The following TNRC6B variants were observed in gnomAD, a reference collection of about 807,000 sequenced individuals.
The protein encoded by TNRC6B is trinucleotide repeat-containing gene 6B protein.
A neutral mutation model predicts 203.6 loss-of-function variants in TNRC6B; 52 were observed. The observed-to-expected ratio is 0.26, with a 90% confidence interval of 0.20 to 0.32. TNRC6B has a LOEUF of 0.32. Among genes scored for constraint, TNRC6B ranks in the 10% least tolerant of loss-of-function variants. The pLI is 1.00. For synonymous variants in TNRC6B, 838 were observed against 845.7 expected, an observed-to-expected ratio of 0.99 and a Z score of 0.16; for missense variants, 1,923 against 2,286.2, an observed-to-expected ratio of 0.84 and a Z score of 3.24.
At chr22:40,303,152 C>T (rs902593017) in intron 15 of TNRC6B, among the ~76,000 whole-genome samples, 5 of 151,206 alleles carry the variant, frequency 3.3e-5, no homozygotes, top group African/African-American at 1.2e-4. Flanking sequence ...GCCTCAGCCT[C>T]CTGAGTAGAT....
At chr22:40,115,018 T>C (rs777746603) in intron 1 of TNRC6B, among the ~76,000 whole-genome samples, 2 of 152,244 alleles carry the variant, frequency 1.3e-5, no homozygotes, top group Non-Finnish European at 2.9e-5. Context: ...GCAGCTGTTC[T>C]GTAAAACCTG....
chr22:40,273,693 C>A, intron 7 of TNRC6B, 93 bp downstream of exon 7: 1 of 1,369,100 alleles, frequency 7.3e-7, no homozygotes, highest in Non-Finnish European at 9.7e-7. Context: ...GAGACAAGTT[C>A]TCCCTCTGTC....
At chr22:40,315,862 A>T in intron 20 of TNRC6B, 80 bp from the exon 21 acceptor site, 1 of 1,049,848 alleles carries the variant, frequency 9.5e-7, no homozygotes, top group Non-Finnish European at 1.4e-6. Flanking sequence ...AATGTGAGCT[A>T]CATGAAAATC....
At chr22:40,103,287 A>G (rs572687726) in intron 1 of TNRC6B, among the ~76,000 whole-genome samples, 1 of 150,824 alleles carries the variant, frequency 6.6e-6, no homozygotes, top group East Asian at 1.9e-4. Flanking sequence ...AAAAAAGTCT[A>G]TACAGTTGTA....
chr22:40,150,999 T>C (rs2068747070), intron 3 of TNRC6B, among the ~76,000 whole-genome samples: 1 of 151,974 alleles, frequency 6.6e-6, no homozygotes, highest in Admixed American at 6.6e-5. Flanking sequence ...CTCTTAAATA[T>C]CAGTGGATAG....
chr22:40,211,607 A>G (rs1428951438), intron 1 of TNRC6B, among the ~76,000 whole-genome samples: 2 of 152,122 alleles, frequency 1.3e-5, no homozygotes, highest in African/African-American at 4.8e-5. Flanking sequence ...TTAGAGGCCT[A>G]AGTTACTAGG....
rs78678967 is a variant in TNRC6B, at chr22:40,316,907, G to C, written c.4974+895G>C. ...GAGAGTGGGTTTCTGCAGATCTTAC[G>C]GGGCAGAGAAAGAGAAAAAAACAAA... is the stretch of plus-strand genomic sequence containing the variant. On this transcript the variant is annotated intron_variant, in intron 21 of 22. Transcript: ENST00000454349. Among the ~76,000 whole-genome samples, 656 of 152,254 alleles carry C rather than the reference G, an allele frequency of 4.3e-3. 6 individuals carry two copies. The highest frequency in any genetic ancestry group is 7.5e-3 in the Non-Finnish European group (509 of 67,996).
At chr22:40,300,209 T>C (rs908049289) in intron 12 of TNRC6B, among the ~76,000 whole-genome samples, 6 of 152,168 alleles carry the variant, frequency 3.9e-5, no homozygotes, top group African/African-American at 1.4e-4. Flanking sequence ...GAATATAAAA[T>C]TTATACTTTT....
Position 40,178,604 on chromosome 22 carries a change from TATTTTTTAAAC to T in TNRC6B, c.5+465_5+475del, listed in dbSNP as rs1158117989. The stretch of plus-strand genomic sequence containing the variant: ...ACGGGAAAGCCTTTTTCTATCTTTT[TATTTTTTAAAC>T]TGGGCCCTCCTTCCTAGAGAGATGT... On this transcript the variant is annotated intron_variant, in intron 1 of 22. Transcript: ENST00000454349. 2.6e-5 allele frequency among the ~76,000 whole-genome samples: 4 copies of T among 152,228 alleles called. No homozygotes were observed. The East Asian group carries it at 7.7e-4, about 29-fold the overall frequency.
chr22:40,125,699 A>T, intron 2 of TNRC6B: 1 of 951,764 alleles, frequency 1.1e-6, no homozygotes, highest in Non-Finnish European at 1.5e-6. Flanking sequence ...AGAGAATTTC[A>T]GTCTAAACCT....
At chr22:40,156,247 G>A in intron 4 of TNRC6B, 2 of 1,467,262 alleles carry the variant, frequency 1.4e-6, no homozygotes, top group Non-Finnish European at 1.9e-6. Flanking sequence ...GGTTCAACAT[G>A]CTGATAAGCG....
chr22:40,071,560 A>G (rs2067948296), intron 1 of TNRC6B, among the ~76,000 whole-genome samples: 1 of 152,232 alleles, frequency 6.6e-6, no homozygotes, highest in South Asian at 2.1e-4. Flanking sequence ...ATGAAACTCC[A>G]AATGGTACAG....
At position 40,264,784 on chromosome 22, in the gene TNRC6B, A is replaced by G. The variant is rs1387997947; in HGVS notation, c.554A>G (p.His185Arg). ...AACGGCACCTCCCCCAACCCAATTCACATCTGGGACAAGGTGATTGTAGAC... is the reference window on the plus strand; with the variant it reads ...AACGGCACCTCCCCCAACCCAATTCGCATCTGGGACAAGGTGATTGTAGAC... The part of the protein sequence containing the change: ...SNNGTSPNPI[H>R]IWDKVIVDGS... The change falls in exon 5 of 23, where the codon CAC becomes CGC. Residue 185 changes from histidine (H) to arginine (R), a missense_variant. Around this residue, in one of 8 missense-constraint regions of TNRC6B, gnomAD observed 614 missense variants for 587.7 expected, o/e 1.04. Transcript: ENST00000454349. 6.2e-7 allele frequency: 1 copy of G among 1,613,926 alleles called. No homozygotes were observed. The highest frequency in any genetic ancestry group is 8.5e-7 in the Non-Finnish European group (1 of 1,179,862).
At chr22:40,209,763 G>A (rs2069535098) in intron 1 of TNRC6B, among the ~76,000 whole-genome samples, 1 of 152,194 alleles carries the variant, frequency 6.6e-6, no homozygotes, top group African/African-American at 2.4e-5. Context: ...GCTCACGCCT[G>A]TAATCCCAGC....
chr22:40,260,549 G>A (rs1234284864), intron 3 of TNRC6B, among the ~76,000 whole-genome samples: 3 of 152,206 alleles, frequency 2.0e-5, no homozygotes, highest in Non-Finnish European at 1.5e-5. Context: ...GGTAGAGAGA[G>A]ATGGATGATG....
At position 40,323,160 on chromosome 22, in the gene TNRC6B, G is replaced by A. The variant is rs1177100861; in HGVS notation, c.5421G>A (p.Thr1807=). ...CTTCTAGCTTATGGGGAGTCCCAACGGTGGAAGATCCCCATAGGATGGGCA... is the reference window on the plus strand; with the variant it reads ...CTTCTAGCTTATGGGGAGTCCCAACAGTGGAAGATCCCCATAGGATGGGCA... The part of the protein sequence containing the change: ...NYSSSLWGVP[T]VEDPHRMGSP... Residue 1807 remains threonine, a synonymous_variant, in exon 23 of 23, where the codon ACG becomes ACA. Coordinates refer to ENST00000454349, the MANE Select transcript of TNRC6B (RefSeq NM_001162501.2). 13 of 1,613,764 alleles carry A rather than the reference G, an allele frequency of 8.1e-6. No homozygotes were observed. The highest frequency in any genetic ancestry group is 1.7e-5 in the Admixed American group (1 of 59,998).
At chr22:40,243,486 TC>T (rs2070060450) in intron 1 of TNRC6B, among the ~76,000 whole-genome samples, 1 of 152,230 alleles carries the variant, frequency 6.6e-6, no homozygotes, top group East Asian at 1.9e-4. Flanking sequence ...TCAATCTATT[TC>T]CCTTAATTGC....
At chr22:40,260,077 C>T (rs1279656755) in intron 3 of TNRC6B, among the ~76,000 whole-genome samples, 2 of 151,788 alleles carry the variant, frequency 1.3e-5, no homozygotes, top group East Asian at 3.9e-4. Context: ...ACGGTTGCCC[C>T]GACATTCCCA....
chr22:40,180,959 C>G (rs2069122251), intron 1 of TNRC6B, among the ~76,000 whole-genome samples: 1 of 152,066 alleles, frequency 6.6e-6, no homozygotes, highest in African/African-American at 2.4e-5. Context: ...ATTACTCTGT[C>G]TCAGAAAAAA....
Sources: allele counts gnomAD v4.1 joint callset (sites outside exome capture counted in the v4.1 genomes callset), GRCh38; gene constraint gnomAD v4.1.1; regional missense constraint gnomAD v4.1.1; transcripts MANE v1.5; gene names NCBI Gene and HGNC (gene_info 2026-07-23, HGNC 2026-07-21).